The following NTNG1 variants were observed in gnomAD, a reference collection of about 807,000 sequenced individuals.
NTNG1 encodes the protein netrin-G1.
In NTNG1, 16 loss-of-function variants were observed where a neutral mutation model predicts 54.0. The ratio of observed to expected loss-of-function variants is 0.30; its 90% confidence interval spans 0.20 to 0.45. NTNG1 has a LOEUF of 0.45. NTNG1 is among the 20% of genes least tolerant of loss of function. NTNG1 has a pLI of 1.00. For missense variants in NTNG1, 530 were observed against 678.7 expected (o/e 0.78, Z 2.43); for synonymous variants, 255 against 263.1 (o/e 0.97, Z 0.30).
At chr1:107,400,459 C>G (rs1445704333) in intron 4 of NTNG1, among the ~76,000 whole-genome samples, 7 of 152,154 alleles carry the variant, frequency 4.6e-5, no homozygotes, top group Admixed American at 1.3e-4. Context: ...GAGATATGTA[C>G]TATTATTATC....
intron 2 of NTNG1, among the ~76,000 whole-genome samples, chr1:107,166,203 ACTACT>A (rs1260223837): frequency 6.6e-5 from 10 of 152,188 alleles, no homozygotes; most frequent in Non-Finnish European, 4.4e-5. Context: ...AAAAAAGTAG[ACTACT>A]CTAAGCTGGA....
At chr1:107,312,815 CT>C (rs1244739860) in intron 2 of NTNG1, among the ~76,000 whole-genome samples, 3 of 152,062 alleles carry the variant, frequency 2.0e-5, no homozygotes, top group African/African-American at 7.2e-5. Flanking sequence ...AACAAATTCA[CT>C]TTTTTATATG....
intron 2 of NTNG1, among the ~76,000 whole-genome samples, chr1:107,238,580 G>A (rs972653688): frequency 6.6e-6 from 1 of 152,134 alleles, no homozygotes; most frequent in African/African-American, 2.4e-5. Flanking sequence ...GACACAGTGG[G>A]AGGTAAATGA....
At chr1:107,259,080 T>G (rs1393390828) in intron 2 of NTNG1, among the ~76,000 whole-genome samples, 5 of 152,194 alleles carry the variant, frequency 3.3e-5, no homozygotes, top group Non-Finnish European at 5.9e-5. Flanking sequence ...AGTAAATTAT[T>G]AGAAAATGCT....
At chr1:107,235,335 A>G (rs1278549912) in intron 2 of NTNG1, among the ~76,000 whole-genome samples, 1 of 151,874 alleles carries the variant, frequency 6.6e-6, no homozygotes. Flanking sequence ...GCAAATCAAC[A>G]TCGCAAATTC....
intron 3 of NTNG1, among the ~76,000 whole-genome samples, chr1:107,376,407 C>T (rs1171484904): frequency 1.1e-4 from 2 of 18,128 alleles, no homozygotes; most frequent in East Asian, 2.0e-3. Context: ...GACTCCGTCT[C>T]AAAACAAAAC....
intron 2 of NTNG1, among the ~76,000 whole-genome samples, chr1:107,292,847 C>G (rs1385720567): frequency 6.6e-6 from 1 of 152,152 alleles, no homozygotes. Flanking sequence ...AAAGGTCAAA[C>G]TGTGCACTTG....
At chr1:107,233,635 T>C (rs1476055906) in intron 2 of NTNG1, among the ~76,000 whole-genome samples, 1 of 152,182 alleles carries the variant, frequency 6.6e-6, no homozygotes, top group African/African-American at 2.4e-5. Context: ...TCTTTCACTG[T>C]TCCCCACATC....
chr1:107,461,950 G>A (rs745961271), intron 7 of NTNG1, among the ~76,000 whole-genome samples: 7 of 152,184 alleles, frequency 4.6e-5, no homozygotes, highest in Non-Finnish European at 8.8e-5. Context: ...GCAAGCAGGG[G>A]CAAGAAGGAA....
rs115346584 is a variant in NTNG1, at chr1:107,469,655, G to A, written c.1391-10956G>A. Among the ~76,000 whole-genome samples, 960 of 151,952 alleles carry A rather than the reference G, an allele frequency of 6.3e-3. 7 individuals are homozygous for A. The highest frequency in any genetic ancestry group is 0.022 in the African/African-American group (896 of 41,406). On this transcript the variant is annotated intron_variant, in intron 7 of 7. Transcript: ENST00000370068. ...GGTATTTTTAATAGAGCCTGGGTTCGACCATGTTGGCTGGTCTTGAACTCC... is the reference window on the plus strand; with the variant it reads ...GGTATTTTTAATAGAGCCTGGGTTCAACCATGTTGGCTGGTCTTGAACTCC...
chr1:107,361,102 T>A (rs558070074), intron 3 of NTNG1, among the ~76,000 whole-genome samples: 64 of 145,958 alleles, frequency 4.4e-4, no homozygotes, highest in African/African-American at 1.6e-3. Flanking sequence ...TTTGAAAAAA[T>A]ATATATAATA....
intron 1 of NTNG1, among the ~76,000 whole-genome samples, chr1:107,145,839 A>G (rs1227449302): frequency 6.6e-6 from 1 of 152,124 alleles, no homozygotes; most frequent in East Asian, 1.9e-4. Flanking sequence ...AATTCTGTGT[A>G]ATGACCATCA....
intron 2 of NTNG1, among the ~76,000 whole-genome samples, chr1:107,244,818 T>C (rs571149360): frequency 6.6e-6 from 1 of 152,292 alleles, no homozygotes; most frequent in South Asian, 2.1e-4. Context: ...TGTGGCACGG[T>C]CTGGACTGTG....
chr1:107,448,092 C>G (rs913309646), intron 7 of NTNG1, among the ~76,000 whole-genome samples: 10 of 152,066 alleles, frequency 6.6e-5, no homozygotes, highest in African/African-American at 2.4e-4. Context: ...TTGTCAAAAT[C>G]TGAGACGATT....
At chr1:107,465,339 G>A (rs559275225) in intron 7 of NTNG1, among the ~76,000 whole-genome samples, 6 of 152,254 alleles carry the variant, frequency 3.9e-5, no homozygotes, top group South Asian at 4.1e-4. Context: ...GCTTATAGAC[G>A]GACTGCTCTG....
At chr1:107,433,904 G>A (rs893434787) in intron 6 of NTNG1, among the ~76,000 whole-genome samples, 2 of 152,142 alleles carry the variant, frequency 1.3e-5, no homozygotes, top group Non-Finnish European at 2.9e-5. Flanking sequence ...GAACCTATTT[G>A]CTATTTTCCA....
chr1:107,275,131 C>G (rs903840673), intron 2 of NTNG1, among the ~76,000 whole-genome samples: 2 of 152,184 alleles, frequency 1.3e-5, no homozygotes, highest in African/African-American at 2.4e-5. Flanking sequence ...AATCCCAGCA[C>G]TTTGGGAGGC....
At chr1:107,249,260 C>T (rs561526002) in intron 2 of NTNG1, among the ~76,000 whole-genome samples, 8 of 151,684 alleles carry the variant, frequency 5.3e-5, no homozygotes, top group South Asian at 4.2e-4. Context: ...CTCAGATGGG[C>T]GGATCACCTG....
intron 3 of NTNG1, among the ~76,000 whole-genome samples, chr1:107,350,153 A>G (rs1166752258): frequency 6.6e-6 from 1 of 152,182 alleles, no homozygotes; most frequent in Admixed American, 6.5e-5. Context: ...TGATGAAGAT[A>G]GAAGCTCTAA....
Sources: allele counts gnomAD v4.1 joint callset (sites outside exome capture counted in the v4.1 genomes callset), GRCh38; gene constraint gnomAD v4.1.1; transcripts MANE v1.5; gene names NCBI Gene and HGNC (gene_info 2026-07-23, HGNC 2026-07-21).